The following TFG variants were observed in gnomAD, a reference collection of about 807,000 sequenced individuals.
TFG encodes the protein protein TFG.
TFG carries 22 observed loss-of-function variants against 51.4 expected under a neutral mutation model. That is an observed-to-expected ratio of 0.43 (90% confidence interval 0.31 to 0.61). TFG has a LOEUF of 0.61. Ranked by LOEUF, TFG falls within the 20% of genes least tolerant of loss-of-function variation. The probability of loss-of-function intolerance (pLI) is 0.12; values close to 1 mark genes in which losing one functional copy is unlikely to be tolerated. For missense variants in TFG, 419 were observed against 487.7 expected, an observed-to-expected ratio of 0.86 and a Z score of 1.33; for synonymous variants, 187 against 165.6, an observed-to-expected ratio of 1.13 and a Z score of -0.99.
intron 3 of TFG, 126 bp from the exon 4 acceptor site, chr3:100,728,586 C>A: frequency 1.4e-6 from 1 of 693,896 alleles, no homozygotes; most frequent in Non-Finnish European, 2.2e-6. Flanking sequence ...AAAAAAGTTA[C>A]TCCATTACAT....
chr3:100,712,066 C>G (rs758853852), intron 1 of TFG, among the ~76,000 whole-genome samples: 2 of 152,040 alleles, frequency 1.3e-5, no homozygotes, highest in South Asian at 2.1e-4. Flanking sequence ...GCAGTTCACT[C>G]TGTTCTGCAT....
intron 3 of TFG, among the ~76,000 whole-genome samples, chr3:100,721,665 T>C (rs148918849): frequency 8.0e-4 from 122 of 152,238 alleles, no homozygotes; most frequent in African/African-American, 2.9e-3. Context: ...CCAAAATCTC[T>C]CTTGAGGGGT....
chr3:100,713,601 C>T (rs952706774), intron 1 of TFG, 42 bp from the exon 2 acceptor site: 70 of 953,930 alleles, frequency 7.3e-5, no homozygotes, highest in Middle Eastern at 2.4e-4. Flanking sequence ...TCAACTTTTA[C>T]GGTATGTTTT....
chr3:100,715,750 T>G (rs1438393633), intron 2 of TFG, among the ~76,000 whole-genome samples: 1 of 151,448 alleles, frequency 6.6e-6, no homozygotes, highest in Non-Finnish European at 1.5e-5. Context: ...TGAGACAGGG[T>G]CTCACTCTCA....
At position 100,709,544 on chromosome 3, in the gene TFG, T is replaced by G. The variant is rs962147086; in HGVS notation, c.-221T>G. The G allele has an allele frequency of 2.6e-5, 4 of 151,828 alleles. No individual in the cohort carries two copies. Among genetic ancestry groups the G allele is most frequent in the African/African-American group, 9.7e-5 (4 of 41,348 alleles). The allele number at this position is 151,828 out of a possible 1,614,324, so 9.4% of individuals were successfully genotyped here. On this transcript the variant is annotated 5_prime_UTR_variant, in exon 1 of 8. Transcript: ENST00000240851. ...GAGCCCAAGTTCTCGCTAGGCTTGTTGGGTCAGCGCGATTGGCCGGGGCCC... is the reference window on the plus strand; with the variant it reads ...GAGCCCAAGTTCTCGCTAGGCTTGTGGGGTCAGCGCGATTGGCCGGGGCCC...
intron 2 of TFG, among the ~76,000 whole-genome samples, chr3:100,718,756 C>G (rs2095053240): frequency 6.6e-6 from 1 of 151,970 alleles, no homozygotes; most frequent in South Asian, 2.1e-4. Flanking sequence ...CGGAGTTTCT[C>G]CATGTTGGCC....
Position 100,736,635 on chromosome 3 carries a change from T to A in TFG, c.640T>A (p.Ser214Thr), listed in dbSNP as rs2095107241. 3 of 1,613,838 alleles carry A rather than the reference T, an allele frequency of 1.9e-6. No homozygotes were observed. In the African/African-American group the frequency reaches 4.0e-5, roughly 22 times the overall value. ...AACACCCGACAGCATTGCTTCCTCC[T>A]CCTCAGCAGCTCACCCACCAGGCGT... ...SGTPDSIASS[S>T]SAAHPPGVQP... is the part of the protein sequence containing the mutation. Residue 214 changes from serine to threonine, a missense_variant, in exon 6 of 8, where the codon TCC becomes ACC. By Grantham distance (58) the Ser-to-Thr change is moderately conservative. Coordinates refer to ENST00000240851, the MANE Select transcript of TFG (RefSeq NM_006070.6).
chr3:100,744,619 C>T lies in TFG; in HGVS notation c.722-214C>T, dbSNP rs2095130044. On this transcript the variant is annotated intron_variant, in intron 6 of 7. Coordinates refer to ENST00000240851, the MANE Select transcript of TFG (RefSeq NM_006070.6). Reference sequence around the variant, plus strand: ...TGGTGTTGCACTTAATGTTTATTGCCAGTTAGTTCTCTGCAGTTAATCCAC... The same window carrying T: ...TGGTGTTGCACTTAATGTTTATTGCTAGTTAGTTCTCTGCAGTTAATCCAC... The T allele has an allele frequency of 7.9e-6, 3 of 380,438 alleles. No individual in the cohort carries two copies. In the South Asian group the frequency reaches 2.7e-4, roughly 34 times the overall value. The allele number at this position is 380,438 out of a possible 1,614,324, so 23.6% of individuals were successfully genotyped here.
chr3:100,725,045 A>G (rs1169692793), intron 3 of TFG, among the ~76,000 whole-genome samples: 1 of 152,168 alleles, frequency 6.6e-6, no homozygotes, highest in Admixed American at 6.5e-5. Context: ...CTGGGACTAC[A>G]GGCACCTGCC....
chr3:100,744,545 C>G (rs574278341), intron 6 of TFG: 8 of 246,104 alleles, frequency 3.3e-5, no homozygotes, highest in Non-Finnish European at 6.2e-5. Context: ...CTGTTGGCAG[C>G]TGGGTTGGAA....
At chr3:100,724,122 C>CTT (rs2095068431) in intron 3 of TFG, among the ~76,000 whole-genome samples, 1 of 152,088 alleles carries the variant, frequency 6.6e-6, no homozygotes, top group Admixed American at 6.6e-5. Context: ...TAGAGTAGTA[C>CTT]TTACAGCCTT....
intron 6 of TFG, among the ~76,000 whole-genome samples, chr3:100,738,636 A>G (rs1161996343): frequency 6.6e-6 from 1 of 152,206 alleles, no homozygotes; most frequent in Non-Finnish European, 1.5e-5. Context: ...AACACTGTTT[A>G]TATGCATTTA....
chr3:100,727,481 T>C (rs903547191), intron 3 of TFG, among the ~76,000 whole-genome samples: 1 of 152,242 alleles, frequency 6.6e-6, no homozygotes, highest in African/African-American at 2.4e-5. Flanking sequence ...AATTAGGTGC[T>C]TCAGGAGTTT....
intron 1 of TFG, chr3:100,709,937 A>G (rs1576349620): frequency 4.0e-5 from 3 of 75,490 alleles, no homozygotes; most frequent in African/African-American, 1.6e-4. Context: ...GGGGGAGGGG[A>G]AGGGAGGTCG....
chr3:100,730,251 A>C (rs558693573), intron 4 of TFG, among the ~76,000 whole-genome samples: 3 of 152,194 alleles, frequency 2.0e-5, no homozygotes, highest in Non-Finnish European at 2.9e-5. Flanking sequence ...ATTCTACTCT[A>C]AGGAATGGAT....
intron 3 of TFG, among the ~76,000 whole-genome samples, chr3:100,728,005 T>C (rs752177985): frequency 6.6e-6 from 1 of 152,104 alleles, no homozygotes; most frequent in Non-Finnish European, 1.5e-5. Context: ...GCTAATTTTT[T>C]AAGGTTTTTG....
chr3:100,724,668 G>A (rs2095070003), intron 3 of TFG, among the ~76,000 whole-genome samples: 1 of 152,112 alleles, frequency 6.6e-6, no homozygotes, highest in African/African-American at 2.4e-5. Context: ...CCAGTGTCAC[G>A]TATGAACATA....
At chr3:100,744,139 G>C (rs1210715842) in intron 6 of TFG, 1 of 152,158 alleles carries the variant, frequency 6.6e-6, no homozygotes, top group Non-Finnish European at 1.5e-5. Context: ...TTCTTCATAG[G>C]AACAGTGGTT....
rs1431898500 is a variant in TFG, at chr3:100,748,308, A to G, written c.980A>G (p.Gln327Arg). Reference protein sequence around the residue: ...QQYQASNYPAQTYTAQTSQPT... With the variant: ...QQYQASNYPARTYTAQTSQPT... Reference sequence around the variant, plus strand: ...TACCAGGCGAGCAATTATCCTGCACAAACTTACACTGCCCAAACTTCTCAG... The same window carrying G: ...TACCAGGCGAGCAATTATCCTGCACGAACTTACACTGCCCAAACTTCTCAG... Residue 327 changes from glutamine to arginine, a missense_variant, in exon 8 of 8, where the codon CAA becomes CGA. Gln to Arg is a conservative substitution (Grantham distance 43). This residue lies in a region of TFG where 391 missense variants were observed against 434.4 expected (regional missense o/e 0.90). Transcript: ENST00000240851. 16 of 1,613,986 alleles carry G rather than the reference A, an allele frequency of 9.9e-6. No homozygotes were observed. The highest frequency in any genetic ancestry group is 1.3e-5 in the African/African-American group (1 of 74,996).
Sources: allele counts gnomAD v4.1 joint callset (sites outside exome capture counted in the v4.1 genomes callset), GRCh38; gene constraint gnomAD v4.1.1; regional missense constraint gnomAD v4.1.1; transcripts MANE v1.5; gene names NCBI Gene and HGNC (gene_info 2026-07-23, HGNC 2026-07-21).